Variants in SYTL2 observed in about 807,000 individuals in gnomAD.
SYTL2 encodes synaptotagmin like 2, also known as synaptotagmin-like protein 2.
A neutral mutation model predicts 198.7 loss-of-function variants in SYTL2; 165 were observed. The ratio of observed to expected loss-of-function variants is 0.83; its 90% confidence interval spans 0.73 to 0.94. SYTL2 has a LOEUF of 0.94. Among genes scored for constraint, SYTL2 ranks in the 40% least tolerant of loss-of-function variants. The pLI, the probability that SYTL2 is intolerant of heterozygous loss-of-function variation, is 0.00. For synonymous variants in SYTL2, 966 were observed against 917.7 expected, an observed-to-expected ratio of 1.05 and a Z score of -0.95; for missense variants, 2,835 against 2,582.8, an observed-to-expected ratio of 1.10 and a Z score of -2.12.
At chr11:85,830,474 G>A in the SYTL2 span, among the ~76,000 whole-genome samples, 1 of 152,178 alleles carries the variant, frequency 6.6e-6, no homozygotes, top group Non-Finnish European at 1.5e-5. Flanking sequence ...CATGCAGCAT[G>A]TGGTGTTTAT....
chr11:85,792,618 CTTTT>C (rs34575906), intron 1 of SYTL2, among the ~76,000 whole-genome samples: 1 of 148,874 alleles, frequency 6.7e-6, no homozygotes, highest in African/African-American at 2.5e-5. Flanking sequence ...AGTTTCAGAG[CTTTT>C]TTTTTTAATT....
intron 16 of SYTL2, among the ~76,000 whole-genome samples, chr11:85,702,977 C>T (rs560028626): frequency 4.6e-5 from 7 of 151,926 alleles, no homozygotes; most frequent in South Asian, 2.1e-4. Context: ...AATATGCTTT[C>T]GAAAATATAA....
chr11:85,711,628 A>G (rs1223829534), intron 12 of SYTL2, among the ~76,000 whole-genome samples: 1 of 152,222 alleles, frequency 6.6e-6, no homozygotes, highest in Admixed American at 6.5e-5. Context: ...TGTTAAAACC[A>G]AAACATCATG....
chr11:85,836,476 T>C, the SYTL2 span, among the ~76,000 whole-genome samples: 1 of 151,934 alleles, frequency 6.6e-6, no homozygotes, highest in Non-Finnish European at 1.5e-5. Context: ...CTATGAGGTA[T>C]GTAAAATTAT....
chr11:85,720,878 T>C lies in SYTL2; in HGVS notation c.5408A>G (p.Asp1803Gly), dbSNP rs552772924. Residue 1803 changes from aspartate (D) to glycine (G), a missense_variant, in exon 9 of 20, where the codon GAC becomes GGC. By Grantham distance (94) the Asp-to-Gly change is moderately conservative (BLOSUM62 -1). This residue lies in a region of SYTL2 where 2,645 missense variants were observed against 2,381.7 expected (regional missense o/e 1.11). Coordinates refer to ENST00000359152, the MANE Select transcript of SYTL2 (RefSeq NM_206927.4). ...ARKMPSKSLE[D>G]ISSDSSNQAK... ...CTCACTTGATGAATCTGATGAAATG[T>C]CTTCTAGACTTTTGGAAGGCATTTT... 9.9e-6 allele frequency: 16 copies of C among 1,612,772 alleles called. No homozygotes were observed. In the South Asian group the frequency reaches 1.4e-4, roughly 14 times the overall value.
At chr11:85,827,128 A>T in the SYTL2 span, among the ~76,000 whole-genome samples, 1 of 152,280 alleles carries the variant, frequency 6.6e-6, no homozygotes, top group African/African-American at 2.4e-5. Context: ...TAATCCATGG[A>T]GCCCTGTCTT....
intron 1 of SYTL2, among the ~76,000 whole-genome samples, chr11:85,789,370 ATATATATG>A (rs1420602553): frequency 7.4e-3 from 359 of 48,806 alleles, no homozygotes; most frequent in African/African-American, 0.016. Flanking sequence ...ATATATATAT[ATATATATG>A]TATATATATA....
chr11:85,710,508 G>A (rs2086065946), intron 13 of SYTL2, among the ~76,000 whole-genome samples: 2 of 152,104 alleles, frequency 1.3e-5, no homozygotes, highest in South Asian at 4.1e-4. Flanking sequence ...AAGTGTATGT[G>A]GATATATTTA....
chr11:85,781,964 C>A (rs1171207765), intron 1 of SYTL2, among the ~76,000 whole-genome samples: 1 of 152,208 alleles, frequency 6.6e-6, no homozygotes, highest in Non-Finnish European at 1.5e-5. Context: ...ATTCTGGGGT[C>A]TGGAGGATAG....
chr11:85,845,725 A>G, the SYTL2 span, among the ~76,000 whole-genome samples: 1 of 152,286 alleles, frequency 6.6e-6, no homozygotes, highest in East Asian at 1.9e-4. Context: ...TGGCTAGCAC[A>G]GTGAAACCTG....
chr11:85,851,338 A>C, the SYTL2 span, among the ~76,000 whole-genome samples: 2 of 152,264 alleles, frequency 1.3e-5, no homozygotes, highest in African/African-American at 4.8e-5. Flanking sequence ...CTGATTTACC[A>C]AAAGTTTGAA....
intron 1 of SYTL2, among the ~76,000 whole-genome samples, chr11:85,788,229 G>T (rs955957163): frequency 6.6e-6 from 1 of 152,154 alleles, no homozygotes; most frequent in Admixed American, 6.5e-5. Context: ...TTTTTCTAAG[G>T]TAATAATGAT....
intron 1 of SYTL2, among the ~76,000 whole-genome samples, chr11:85,762,032 A>G (rs1032816547): frequency 2.0e-5 from 3 of 152,202 alleles, no homozygotes; most frequent in African/African-American, 7.2e-5. Flanking sequence ...CACCAAGCTT[A>G]TGTCTGACTG....
intron 1 of SYTL2, among the ~76,000 whole-genome samples, chr11:85,773,209 C>T (rs979518900): frequency 1.3e-5 from 2 of 152,136 alleles, no homozygotes; most frequent in Non-Finnish European, 2.9e-5. Flanking sequence ...TTGTAAGACT[C>T]CCTGGCAGGT....
intron 15 of SYTL2, chr11:85,705,310 C>T (rs1209573890): frequency 4.0e-6 from 1 of 250,652 alleles, no homozygotes; most frequent in African/African-American, 2.2e-5. Flanking sequence ...GCCAGTTTTT[C>T]AATTTTCGCT....
chr11:85,777,809 C>CAG (rs2092478540), intron 1 of SYTL2, among the ~76,000 whole-genome samples: 1 of 65,864 alleles, frequency 1.5e-5, no homozygotes, highest in African/African-American at 5.3e-5. Context: ...ACAGGTCTTA[C>CAG]TTCTTTTTTT....
intron 14 of SYTL2, among the ~76,000 whole-genome samples, chr11:85,708,882 G>T (rs1485619357): frequency 1.9e-5 from 2 of 108,066 alleles, no homozygotes; most frequent in African/African-American, 7.4e-5. Context: ...GTCTCACTCT[G>T]TCGCCCAGGC....
At position 85,726,660 on chromosome 11, in the gene SYTL2, C is replaced by G. The variant is rs2089221084; in HGVS notation, c.2698G>C (p.Val900Leu). ...YYLSAEQSDK[V>L]SLFQNKKNEP... ...TTTTTCTTATTCTGAAACAGAGACA[C>G]TTTATCTGATTGCTCAGCTGAAAGA... Residue 900 changes from valine (V) to leucine (L), a missense_variant, in exon 8 of 20, where the codon GTG becomes CTG. Around this residue, in one of 3 missense-constraint regions of SYTL2, gnomAD observed 2,645 missense variants for 2,381.7 expected, o/e 1.11. Coordinates refer to ENST00000359152, the MANE Select transcript of SYTL2 (RefSeq NM_206927.4). 3 of 1,536,728 alleles carry G rather than the reference C, an allele frequency of 2.0e-6. No individual in the cohort carries two copies. The highest frequency in any genetic ancestry group is 2.6e-6 in the Non-Finnish European group (3 of 1,147,030).
chr11:85,755,120 A>G (rs2091785146), intron 2 of SYTL2, among the ~76,000 whole-genome samples: 1 of 152,238 alleles, frequency 6.6e-6, no homozygotes, highest in Admixed American at 6.5e-5. Context: ...ACAAAAGCCC[A>G]TGGAGTAACA....
Sources: allele counts gnomAD v4.1 joint callset (sites outside exome capture counted in the v4.1 genomes callset), GRCh38; gene constraint gnomAD v4.1.1; regional missense constraint gnomAD v4.1.1; transcripts MANE v1.5; gene names NCBI Gene and HGNC (gene_info 2026-07-23, HGNC 2026-07-21).